Variants in ANKRD11 observed in about 807,000 individuals in gnomAD.
ANKRD11 encodes the protein ankyrin repeat domain-containing protein 11.
In ANKRD11, 17 loss-of-function variants were observed where a neutral mutation model predicts 195.7. That is an observed-to-expected ratio of 0.09 (90% CI 0.06 to 0.13). The LOEUF (loss-of-function observed/expected upper bound fraction) is 0.13. ANKRD11 is among the 10% of genes least tolerant of loss of function. The pLI is 1.00. For synonymous variants in ANKRD11, 1,953 were observed against 1,528.1 expected (o/e 1.28, Z -6.49); for missense variants, 3,735 against 3,566.1 (o/e 1.05, Z -1.21).
At chr16:89,378,643 C>T (rs2040519303) in intron 2 of ANKRD11, among the ~76,000 whole-genome samples, 1 of 152,220 alleles carries the variant, frequency 6.6e-6, no homozygotes, top group Non-Finnish European at 1.5e-5. Context: ...TGTTTGAAGA[C>T]ACTGGTGTAC....
chr16:89,379,748 T>C (rs1158183726), intron 2 of ANKRD11, among the ~76,000 whole-genome samples: 1 of 152,236 alleles, frequency 6.6e-6, no homozygotes, highest in Non-Finnish European at 1.5e-5. Context: ...GTTCTTGTGA[T>C]TCACAAAGAA....
At chr16:89,364,581 A>G (rs1443966074) in intron 2 of ANKRD11, among the ~76,000 whole-genome samples, 1 of 151,960 alleles carries the variant, frequency 6.6e-6, no homozygotes, top group Non-Finnish European at 1.5e-5. Flanking sequence ...CAATCTTTTG[A>G]CCTCCCTGGG....
chr16:89,428,399 G>T (rs908796751), intron 1 of ANKRD11, among the ~76,000 whole-genome samples: 1 of 151,914 alleles, frequency 6.6e-6, no homozygotes, highest in Admixed American at 6.6e-5. Flanking sequence ...GGTGGCGGGC[G>T]CCTATAGTCC....
chr16:89,322,428 T>C (rs1405880514), intron 2 of ANKRD11, among the ~76,000 whole-genome samples: 1 of 152,200 alleles, frequency 6.6e-6, no homozygotes, highest in Non-Finnish European at 1.5e-5. Context: ...ACCATTTAAA[T>C]ATCGAATGGT....
chr16:89,391,345 G>A (rs1009217337), intron 2 of ANKRD11, among the ~76,000 whole-genome samples: 2 of 152,088 alleles, frequency 1.3e-5, no homozygotes, highest in African/African-American at 4.8e-5. Flanking sequence ...GGGTGCTGGA[G>A]TGCTGGCAGT....
At chr16:89,414,909 A>G (rs2042233705) in intron 2 of ANKRD11, among the ~76,000 whole-genome samples, 1 of 152,198 alleles carries the variant, frequency 6.6e-6, no homozygotes, top group East Asian at 1.9e-4. Flanking sequence ...AATGACACAA[A>G]TACCAACATG....
chr16:89,419,340 C>A (rs1002776140), intron 1 of ANKRD11, among the ~76,000 whole-genome samples: 1 of 151,634 alleles, frequency 6.6e-6, no homozygotes, highest in African/African-American at 2.4e-5. Context: ...GTAACCCCAA[C>A]TACTTGGGAG....
At chr16:89,305,388 A>G in intron 3 of ANKRD11, 44 bp from the exon 4 acceptor site, 2 of 1,613,086 alleles carry the variant, frequency 1.2e-6, no homozygotes, top group Non-Finnish European at 1.7e-6. Context: ...TCCAAATTAC[A>G]TTCTCAAGCT....
chr16:89,456,990 C>T (rs1334675261), intron 1 of ANKRD11, among the ~76,000 whole-genome samples: 4 of 141,814 alleles, frequency 2.8e-5, no homozygotes, highest in Admixed American at 2.2e-4. Context: ...GACGGAGTCT[C>T]GCTCTGTCGC....
chr16:89,346,210 G>A (rs999090698), intron 2 of ANKRD11, among the ~76,000 whole-genome samples: 4 of 148,052 alleles, frequency 2.7e-5, no homozygotes, highest in Non-Finnish European at 4.5e-5. Flanking sequence ...ATCACGCCAC[G>A]GCACTCCAGC....
intron 2 of ANKRD11, among the ~76,000 whole-genome samples, chr16:89,414,075 G>A (rs2042203137): frequency 6.6e-6 from 1 of 152,172 alleles, no homozygotes; most frequent in African/African-American, 2.4e-5. Flanking sequence ...GATGCCACAG[G>A]CACAGCTGCT....
chr16:89,348,987 G>C (rs539308421), intron 2 of ANKRD11, among the ~76,000 whole-genome samples: 1 of 151,028 alleles, frequency 6.6e-6, no homozygotes, highest in African/African-American at 2.4e-5. Context: ...AACTAGCCAG[G>C]AGTAGTAGAG....
rs1400566522 is a variant in ANKRD11, at chr16:89,281,284, G to T, written c.5258C>A (p.Thr1753Asn). The change falls in exon 9 of 13, where the codon ACC becomes AAC. Residue 1753 changes from threonine to asparagine, a missense_variant. Coordinates refer to ENST00000301030, the MANE Select transcript of ANKRD11 (RefSeq NM_013275.6). This position sits in a 1 kb window ranked among gnomAD's most constrained non-coding sequence, Gnocchi z 5.5. ...QHSTPVPTAPTSACSPSFFDR... is the reference protein window; with the variant it reads ...QHSTPVPTAPNSACSPSFFDR... ...GAAAAAGGAGGGGGAGCAGGCGCTGGTGGGAGCGGTGGGCACGGGCGTGGA... is the reference window on the plus strand; with the variant it reads ...GAAAAAGGAGGGGGAGCAGGCGCTGTTGGGAGCGGTGGGCACGGGCGTGGA... 1 of 1,614,130 alleles carries T rather than the reference G, an allele frequency of 6.2e-7. No individual in the cohort carries two copies. Among genetic ancestry groups the T allele is most frequent in the East Asian group, 2.2e-5 (1 of 44,898 alleles).
At chr16:89,475,989 T>C (rs1597527909) in intron 1 of ANKRD11, among the ~76,000 whole-genome samples, 2 of 148,956 alleles carry the variant, frequency 1.3e-5, no homozygotes, top group African/African-American at 4.9e-5. Context: ...GAGGTGGAGG[T>C]TGCAGGGAGC....
intron 1 of ANKRD11, among the ~76,000 whole-genome samples, chr16:89,473,464 G>C (rs986978622): frequency 1.3e-5 from 2 of 152,194 alleles, no homozygotes; most frequent in African/African-American, 2.4e-5. Flanking sequence ...GAGGCAGGCA[G>C]GACAGTGGGA....
At chr16:89,375,993 C>T (rs897553684) in intron 2 of ANKRD11, among the ~76,000 whole-genome samples, 2 of 152,114 alleles carry the variant, frequency 1.3e-5, no homozygotes, top group Non-Finnish European at 2.9e-5. Flanking sequence ...TTTTCAAAAT[C>T]GATAAATCCA....
At chr16:89,350,999 C>T (rs1054551005) in intron 2 of ANKRD11, among the ~76,000 whole-genome samples, 6 of 152,218 alleles carry the variant, frequency 3.9e-5, no homozygotes, top group African/African-American at 1.2e-4. Flanking sequence ...TACGCACACT[C>T]TGTGATGCTC....
chr16:89,348,870 C>CT (rs2039064023), intron 2 of ANKRD11, among the ~76,000 whole-genome samples: 2 of 144,232 alleles, frequency 1.4e-5, no homozygotes, highest in Admixed American at 1.4e-4. Context: ...GTTTTATTGT[C>CT]TTTAAAAAAA....
intron 2 of ANKRD11, among the ~76,000 whole-genome samples, chr16:89,325,798 G>C (rs2037679477): frequency 6.6e-6 from 1 of 152,216 alleles, no homozygotes; most frequent in Non-Finnish European, 1.5e-5. Flanking sequence ...CAAGGCCTCA[G>C]AGGTGTCACT....
Sources: allele counts gnomAD v4.1 joint callset (sites outside exome capture counted in the v4.1 genomes callset), GRCh38; gene constraint gnomAD v4.1.1; non-coding constraint Gnocchi (gnomAD v3.1); transcripts MANE v1.5; gene names NCBI Gene and HGNC (gene_info 2026-07-23, HGNC 2026-07-21).